DGKB: variants seen among roughly 807,000 people sequenced by gnomAD.
The protein encoded by DGKB is diacylglycerol kinase beta, also known as 90 kDa diacylglycerol kinase.
A neutral mutation model predicts 114.3 loss-of-function variants in DGKB; 67 were observed. The observed-to-expected ratio is 0.59, with a 90% CI of 0.48 to 0.72. DGKB has a LOEUF of 0.72. DGKB is among the 30% of genes least tolerant of loss of function. The pLI is 0.00. For synonymous variants in DGKB, 398 were observed against 323.1 expected, an observed-to-expected ratio of 1.23 and a Z score of -2.49; for missense variants, 907 against 975.2, an observed-to-expected ratio of 0.93 and a Z score of 0.93.
intron 20 of DGKB, among the ~76,000 whole-genome samples, chr7:14,566,255 AT>A (rs1797366766): frequency 6.6e-6 from 1 of 152,162 alleles, no homozygotes. Context: ...ATCTAGAAGG[AT>A]TTTACTCATA....
chr7:14,972,557 T>C (rs2115311462), intron 1 of DGKB, among the ~76,000 whole-genome samples: 1 of 152,196 alleles, frequency 6.6e-6, no homozygotes, highest in East Asian at 1.9e-4. Flanking sequence ...AATCATCACA[T>C]TGAAGTGATG....
intron 21 of DGKB, among the ~76,000 whole-genome samples, chr7:14,428,662 G>C (rs1827957344): frequency 6.6e-6 from 1 of 152,148 alleles, no homozygotes; most frequent in Admixed American, 6.6e-5. Context: ...GTTAAGTGCA[G>C]AGTATCAGAG....
intron 14 of DGKB, among the ~76,000 whole-genome samples, chr7:14,629,427 G>T (rs1293292914): frequency 6.6e-6 from 1 of 151,866 alleles, no homozygotes; most frequent in East Asian, 1.9e-4. Flanking sequence ...TTTTGGTGGG[G>T]AGAAAAGAGC....
intron 2 of DGKB, among the ~76,000 whole-genome samples, chr7:14,758,826 T>C (rs1835247912): frequency 6.6e-6 from 1 of 152,292 alleles, no homozygotes. Flanking sequence ...TTACTTGGAA[T>C]GTACCATTTC....
intron 1 of DGKB, among the ~76,000 whole-genome samples, chr7:14,909,540 A>G (rs1783878911): frequency 6.6e-6 from 1 of 152,222 alleles, no homozygotes; most frequent in African/African-American, 2.4e-5. Flanking sequence ...TGTTTAAAAT[A>G]GTTATACCCA....
intron 21 of DGKB, among the ~76,000 whole-genome samples, chr7:14,398,382 A>G (rs921568949): frequency 6.6e-6 from 1 of 152,088 alleles, no homozygotes; most frequent in Non-Finnish European, 1.5e-5. Context: ...GGATCTGTAT[A>G]TGGTACTAAA....
At chr7:14,639,736 C>A (rs796989308) in intron 13 of DGKB, among the ~76,000 whole-genome samples, 7 of 152,312 alleles carry the variant, frequency 4.6e-5, no homozygotes, top group East Asian at 1.9e-4. Flanking sequence ...GCCTCCCTCC[C>A]TTCATTATAG....
At chr7:14,227,141 T>A (rs1241939219) in intron 23 of DGKB, among the ~76,000 whole-genome samples, 2 of 152,102 alleles carry the variant, frequency 1.3e-5, no homozygotes, top group Admixed American at 6.6e-5. Flanking sequence ...AGTCCAGGGT[T>A]AGAATACAGG....
intron 1 of DGKB, among the ~76,000 whole-genome samples, chr7:14,884,507 T>G (rs1854716820): frequency 6.6e-6 from 1 of 152,118 alleles, no homozygotes; most frequent in Non-Finnish European, 1.5e-5. Context: ...GTACTTCTCC[T>G]GCTCTGCTTC....
intron 9 of DGKB, among the ~76,000 whole-genome samples, chr7:14,689,199 A>ATTTTTTTTATTTTTTTTTT (rs1554599100): frequency 5.9e-4 from 45 of 76,568 alleles, no homozygotes; most frequent in East Asian, 2.8e-3. Context: ...AACTCCTCTT[A>ATTTTTTTTATTTTTTTTTT]TTTTTTTTTT....
At chr7:14,291,823 C>T (rs1801819712) in intron 23 of DGKB, among the ~76,000 whole-genome samples, 1 of 152,120 alleles carries the variant, frequency 6.6e-6, no homozygotes, top group Non-Finnish European at 1.5e-5. Flanking sequence ...CGGCAAAGAT[C>T]TTGTTGCCCT....
chr7:14,541,359 C>A (rs1046628482), intron 20 of DGKB, among the ~76,000 whole-genome samples: 1 of 152,042 alleles, frequency 6.6e-6, no homozygotes, highest in Non-Finnish European at 1.5e-5. Flanking sequence ...TTTGGCAATG[C>A]GAAAGAACCA....
At chr7:14,728,539 C>T (rs1028584467) in intron 5 of DGKB, among the ~76,000 whole-genome samples, 1 of 152,148 alleles carries the variant, frequency 6.6e-6, no homozygotes, top group Non-Finnish European at 1.5e-5. Context: ...GCCCTCTTTC[C>T]TCATTCCACT....
chr7:14,249,442 G>A (rs1239620100), intron 23 of DGKB, among the ~76,000 whole-genome samples: 2 of 152,040 alleles, frequency 1.3e-5, no homozygotes, highest in Admixed American at 1.3e-4. Context: ...ATGTTTAGTA[G>A]AATTCACCAG....
At chr7:14,732,133 A>G (rs1019706245) in intron 5 of DGKB, among the ~76,000 whole-genome samples, 3 of 152,122 alleles carry the variant, frequency 2.0e-5, no homozygotes, top group African/African-American at 7.2e-5. Context: ...TTTATTCTAT[A>G]AAAACTAAAT....
At chr7:14,520,200 CT>C in intron 20 of DGKB, among the ~76,000 whole-genome samples, 1 of 122,044 alleles carries the variant, frequency 8.2e-6, no homozygotes, top group Non-Finnish European at 1.8e-5. Flanking sequence ...TGACTTTTAT[CT>C]TTTTTCCTAT....
At chr7:14,343,157 CCACACACACACACACACACACACA>C (rs3067654) in intron 22 of DGKB, among the ~76,000 whole-genome samples, 4 of 132,848 alleles carry the variant, frequency 3.0e-5, no homozygotes, top group Non-Finnish European at 4.8e-5. Flanking sequence ...GCCTAGCTAT[CCACACACACACACACACACACACA>C]CACACACACA....
At chr7:14,646,469 C>T (rs1031386317) in intron 13 of DGKB, among the ~76,000 whole-genome samples, 5 of 152,152 alleles carry the variant, frequency 3.3e-5, no homozygotes, top group African/African-American at 4.8e-5. Flanking sequence ...ATTGGACTTA[C>T]ACTGCACTAT....
chr7:14,632,522 C>A (rs1460219292), intron 13 of DGKB, among the ~76,000 whole-genome samples: 1 of 151,538 alleles, frequency 6.6e-6, no homozygotes, highest in East Asian at 1.9e-4. Flanking sequence ...TGAATATTTT[C>A]TAATAAAATT....
Sources: gnomAD v4.1 joint callset for allele counts (sites outside exome capture counted in the v4.1 genomes callset) on GRCh38, gnomAD v4.1.1 for gene constraint, MANE v1.5 for transcripts, NCBI Gene and HGNC (gene_info 2026-07-23, HGNC 2026-07-21) for gene names.